Variants in MDGA1 observed in about 807,000 individuals in gnomAD.
MDGA1 encodes MAM domain-containing glycosylphosphatidylinositol anchor protein 1.
MDGA1 carries 54 observed loss-of-function variants against 101.5 expected under a neutral mutation model. The ratio of observed to expected loss-of-function variants is 0.53; its 90% confidence interval spans 0.43 to 0.67. The LOEUF (loss-of-function observed/expected upper bound fraction) is 0.67, where lower values mean the gene tolerates loss of function less well. Ranked by LOEUF, MDGA1 falls within the 30% of genes least tolerant of loss-of-function variation. The pLI is 0.00. For synonymous variants in MDGA1, 533 were observed against 558.3 expected (o/e 0.95, Z 0.64); for missense variants, 1,083 against 1,323.8 (o/e 0.82, Z 2.82).
chr6:37,644,095 A>ACATCCTGCCTCACCCCACG (rs1764162574), intron 13 of MDGA1, among the ~76,000 whole-genome samples, 152 bp from the exon 14 acceptor site: 1 of 131,958 alleles, frequency 7.6e-6, no homozygotes, highest in Non-Finnish European at 1.6e-5. Flanking sequence ...CTCACCCCAC[A>ACATCCTGCCTCACCCCACG]CATCCTGCCT....
At position 37,696,729 on chromosome 6, in the gene MDGA1, G is replaced by C. The variant is rs1396271904; in HGVS notation, c.67+16C>G. ...CGCGAGGTTAAGCCAAGGTGGAGCG[G>C]GACGCGGGCTCTTACCGTAGACTCC... On this transcript the variant is annotated intron_variant, in intron 1 of 16. Transcript: ENST00000434837. This position sits in a 1 kb window ranked among gnomAD's most constrained non-coding sequence, Gnocchi z 5.6. The C allele has an allele frequency of 6.4e-7, 1 of 1,570,566 alleles. No homozygotes were observed. Among genetic ancestry groups the C allele is most frequent in the African/African-American group, 1.4e-5 (1 of 73,874 alleles).
chr6:37,691,461 A>G (rs1435553886), intron 1 of MDGA1, among the ~76,000 whole-genome samples: 2 of 152,080 alleles, frequency 1.3e-5, no homozygotes, highest in Non-Finnish European at 2.9e-5. Context: ...CTGACCAACA[A>G]TCCTCCCTAA....
chr6:37,675,926 G>C (rs937440307), intron 1 of MDGA1, among the ~76,000 whole-genome samples: 2 of 152,162 alleles, frequency 1.3e-5, no homozygotes, highest in Non-Finnish European at 2.9e-5. Context: ...CCAAGCCCAC[G>C]GAAACAGTAA....
In MDGA1 at chr6:37,637,016, A is replaced by C; in HGVS notation, c.*352T>G. The C allele has an allele frequency of 1.1e-5, 2 of 187,940 alleles. No individual in the cohort carries two copies. Among genetic ancestry groups the C allele is most frequent in the Non-Finnish European group, 1.1e-5 (1 of 90,906 alleles). 11.6% of individuals were successfully genotyped at this position (187,940 alleles called of 1,614,324 possible). ...AGCACACCACGAGTGCAGCAAGGACAAGGCCTATGTTGCGCCGAGGTCCCT... is the reference window on the plus strand; with the variant it reads ...AGCACACCACGAGTGCAGCAAGGACCAGGCCTATGTTGCGCCGAGGTCCCT... On this transcript the variant is annotated 3_prime_UTR_variant, in exon 17 of 17. Transcript: ENST00000434837.
In MDGA1 at chr6:37,660,028, A is replaced by ATC. The variant is rs138953703; in HGVS notation, c.208-1611_208-1610dup. Among the ~76,000 whole-genome samples, 81 of 105,360 alleles carry ATC rather than the reference A, an allele frequency of 7.7e-4. 1 individual carries two copies. The South Asian group carries it at 0.019, about 24-fold the overall frequency. The allele number at this position is 105,360 out of a possible 152,430, so 69.1% of individuals were successfully genotyped here. On this transcript the variant is annotated intron_variant, in intron 2 of 16. Coordinates refer to ENST00000434837, the MANE Select transcript of MDGA1 (RefSeq NM_153487.4). ...CAATTCTACAAAATTCTCAGTCTTT[A>ATC]TCTCTCTCTTTTTTTTTTTTTAATC...
At chr6:37,639,442 C>A (rs1349216134) in intron 14 of MDGA1, 1 of 152,376 alleles carries the variant, frequency 6.6e-6, no homozygotes, top group Non-Finnish European at 1.5e-5. Flanking sequence ...AATCATGTTA[C>A]CCCCTCTGCT....
At chr6:37,679,564 T>C (rs968301915) in intron 1 of MDGA1, among the ~76,000 whole-genome samples, 1 of 152,148 alleles carries the variant, frequency 6.6e-6, no homozygotes, top group Non-Finnish European at 1.5e-5. Context: ...TCCCTCTCTC[T>C]CCCGATATTG....
rs1247515265 is a variant in MDGA1, at chr6:37,635,332, G to C, written c.*2036C>G. On this transcript the variant is annotated 3_prime_UTR_variant, in exon 17 of 17. Transcript: ENST00000434837. ...GAGCGGGAGGTGGCGAAGGTGGAGGGGGGACTTGGAAGGCTCAGAGGAGGA... is the reference window on the plus strand; with the variant it reads ...GAGCGGGAGGTGGCGAAGGTGGAGGCGGGACTTGGAAGGCTCAGAGGAGGA... The C allele has an allele frequency of 1.8e-5, 7 of 397,788 alleles. No individual in the cohort carries two copies. Among genetic ancestry groups the C allele is most frequent in the African/African-American group, 1.4e-4 (7 of 48,640 alleles). 24.6% of individuals were successfully genotyped at this position (397,788 alleles called of 1,614,324 possible).
At chr6:37,654,233 T>G (rs374862424) in intron 6 of MDGA1, 41 bp downstream of exon 6, 181 of 1,507,734 alleles carry the variant, frequency 1.2e-4, no homozygotes, top group Admixed American at 3.7e-4. Context: ...GGACCTTGTC[T>G]GCCTCACAAC....
In MDGA1 at chr6:37,649,268, TG is replaced by T. The variant is rs1395595294; in HGVS notation, c.1610-3del. On this transcript the variant is annotated splice_region_variant and splice_polypyrimidine_tract_variant and intron_variant, in intron 8 of 16. Transcript: ENST00000434837. The stretch of plus-strand genomic sequence containing the variant: ...AACTGGGCTCCACCTCCGGCGGGAC[TG>T]GGGGCGGGAGCGGCGGTCAGCGGGG... 5.4e-6 allele frequency: 8 copies of T among 1,490,346 alleles called. No homozygotes were observed. The highest frequency in any genetic ancestry group is 1.5e-5 in the African/African-American group (1 of 68,706). The allele number at this position is 1,490,346 out of a possible 1,614,324, so 92.3% of individuals were successfully genotyped here.
At chr6:37,671,476 C>G (rs961364796) in intron 1 of MDGA1, among the ~76,000 whole-genome samples, 1 of 152,200 alleles carries the variant, frequency 6.6e-6, no homozygotes. Flanking sequence ...GCCAAGTGGC[C>G]TGAGACATGT....
At position 37,649,015 on chromosome 6, in the gene MDGA1, C is replaced by T; in HGVS notation, c.1861G>A (p.Val621Met). 1 of 1,552,698 alleles carries T rather than the reference C, an allele frequency of 6.4e-7. No homozygotes were observed. Among genetic ancestry groups the T allele is most frequent in the Non-Finnish European group, 8.7e-7 (1 of 1,149,580 alleles). Residue 621 changes from valine (V) to methionine (M), a missense_variant, in exon 9 of 17, where the codon GTG (valine) becomes ATG (methionine). Around this residue, in one of 3 missense-constraint regions of MDGA1, gnomAD observed 657 missense variants for 771.4 expected, o/e 0.85. Transcript: ENST00000434837. ...GSYECSVSND[V>M]GSAACLFQVS... Reference sequence around the variant, plus strand: ...TGGAAGAGGCAGGCAGCCGAGCCCACATCGTTGGAGACGCTGCACTCGTAG... The same window carrying T: ...TGGAAGAGGCAGGCAGCCGAGCCCATATCGTTGGAGACGCTGCACTCGTAG...
rs1438270261 is a variant in MDGA1 at position 37,637,471 on chromosome 6, G to T, written c.2777-12C>A. 1 of 1,610,290 alleles carries T rather than the reference G, an allele frequency of 6.2e-7. No homozygotes were observed. Among genetic ancestry groups the T allele is most frequent in the South Asian group, 1.1e-5 (1 of 90,896 alleles). On this transcript the variant is annotated splice_polypyrimidine_tract_variant and intron_variant, in intron 16 of 16. Coordinates refer to ENST00000434837, the MANE Select transcript of MDGA1 (RefSeq NM_153487.4). ...CGGCATCACCACCACTGCAACAGGG[G>T]AGAAAGAGGAGACAGGCCAGGGCTC... is the stretch of plus-strand genomic sequence containing the variant.
Position 37,655,749 on chromosome 6 carries a change from G to A in MDGA1, c.530C>T (p.Ser177Phe). Residue 177 changes from serine (S) to phenylalanine (F), a missense_variant, in exon 4 of 17, where the codon TCC becomes TTC. Around this residue, in one of 3 missense-constraint regions of MDGA1, gnomAD observed 310 missense variants for 355.9 expected, o/e 0.87. Transcript: ENST00000434837. The surrounding 1 kb of genome is among the most constrained non-coding windows in gnomAD (Gnocchi z 5.1). ...GTCAACCCCATTGTCCTGGCTGTGGGATAGGGTATCGGAACCCCGCTTCCA... is the reference window on the plus strand; with the variant it reads ...GTCAACCCCATTGTCCTGGCTGTGGAATAGGGTATCGGAACCCCGCTTCCA... ...FIWKRGSDTL[S>F]HSQDNGVDIY... 1 of 1,613,292 alleles carries A rather than the reference G, an allele frequency of 6.2e-7. No individual in the cohort carries two copies. The highest frequency in any genetic ancestry group is 8.5e-7 in the Non-Finnish European group (1 of 1,179,614).
chr6:37,660,460 C>A (rs1761597636), intron 2 of MDGA1, among the ~76,000 whole-genome samples: 2 of 152,088 alleles, frequency 1.3e-5, no homozygotes, highest in Non-Finnish European at 2.9e-5. Flanking sequence ...CCCTGGACTC[C>A]ATTGGAAATG....
intron 1 of MDGA1, among the ~76,000 whole-genome samples, chr6:37,679,548 T>A (rs1484056017): frequency 6.6e-6 from 1 of 152,120 alleles, no homozygotes; most frequent in East Asian, 1.9e-4. Context: ...AGGGTCTCAG[T>A]CTTGTTCCCT....
intron 3 of MDGA1, among the ~76,000 whole-genome samples, chr6:37,656,385 T>C (rs867653480): frequency 0.014 from 2,148 of 151,632 alleles, 53 homozygotes; most frequent in African/African-American, 0.048. Flanking sequence ...CTCTTTTTTT[T>C]TTTTTGAGAC....
rs1316504190 is a variant in MDGA1, at chr6:37,664,848, C to G, written c.68-742G>C. Among the ~76,000 whole-genome samples, 196 of 79,274 alleles carry G rather than the reference C, an allele frequency of 2.5e-3. 1 individual carries two copies. Among genetic ancestry groups the G allele is most frequent in the Non-Finnish European group, 3.4e-3 (124 of 36,650 alleles). 52.0% of individuals were successfully genotyped at this position (79,274 alleles called of 152,430 possible). A position where few individuals can be genotyped will look rare whatever the true frequency, so the allele number is the denominator to read the frequency against. On this transcript the variant is annotated intron_variant, in intron 1 of 16. Coordinates refer to ENST00000434837, the MANE Select transcript of MDGA1 (RefSeq NM_153487.4). ...TTTAGAGAGCCTAACCTAAGACACA[C>G]ACACACACACACACACACACACACA... is the stretch of plus-strand genomic sequence containing the variant.
Position 37,664,017 on chromosome 6 carries a change from C to G in MDGA1, c.157G>C (p.Gly53Arg). Reference sequence around the variant, plus strand: ...AGGCACTGCAGCATGAGGGTGTCCCCCTCCCGGATGGTGTAGACACGCTCG... The same window carrying G: ...AGGCACTGCAGCATGAGGGTGTCCCGCTCCCGGATGGTGTAGACACGCTCG... Reference protein sequence around the residue: ...ISERVYTIREGDTLMLQCLVT... With the variant: ...ISERVYTIRERDTLMLQCLVT... Residue 53 changes from glycine (G) to arginine (R), a missense_variant, in exon 2 of 17, where the codon GGG becomes CGG. Transcript: ENST00000434837. 1 of 1,613,966 alleles carries G rather than the reference C, an allele frequency of 6.2e-7. No homozygotes were observed. The highest frequency in any genetic ancestry group is 8.5e-7 in the Non-Finnish European group (1 of 1,179,860).
Sources: gnomAD v4.1 joint callset for allele counts (sites outside exome capture counted in the v4.1 genomes callset) on GRCh38, gnomAD v4.1.1 for gene constraint, gnomAD v4.1.1 regional missense constraint, Gnocchi (gnomAD v3.1) non-coding constraint, MANE v1.5 for transcripts, NCBI Gene and HGNC (gene_info 2026-07-23, HGNC 2026-07-21) for gene names.